HSD11B1: variants seen among roughly 807,000 people sequenced by gnomAD.
HSD11B1 encodes hydroxysteroid 11-beta dehydrogenase 1.
A neutral mutation model predicts 22.1 loss-of-function variants in HSD11B1; 15 were observed. That is an observed-to-expected ratio of 0.68 (90% CI 0.45 to 1.04). The LOEUF (loss-of-function observed/expected upper bound fraction) is 1.04. Ranked by LOEUF, HSD11B1 falls within the 50% of genes least tolerant of loss-of-function variation. The pLI is 0.00. For synonymous variants in HSD11B1, 122 were observed against 125.2 expected, an observed-to-expected ratio of 0.97 and a Z score of 0.17; for missense variants, 281 against 357.6, an observed-to-expected ratio of 0.79 and a Z score of 1.73.
At chr1:209,688,984 G>A (rs748560448) in intron 1 of HSD11B1, among the ~76,000 whole-genome samples, 12 of 152,292 alleles carry the variant, frequency 7.9e-5, no homozygotes, top group Non-Finnish European at 8.8e-5. Context: ...AGGAACAGGT[G>A]GGGGTAAACA....
At chr1:209,701,648 G>A (rs2076827664), upstream of HSD11B1, among the ~76,000 whole-genome samples, 2 of 152,100 alleles carry the variant, frequency 1.3e-5, no homozygotes, top group African/African-American at 2.4e-5. Context: ...TTTTCAAATG[G>A]GAGCACTTGC....
intron 4 of HSD11B1, among the ~76,000 whole-genome samples, chr1:209,720,371 T>C (rs114858540): frequency 2.0e-5 from 3 of 152,048 alleles, no homozygotes; most frequent in African/African-American, 7.3e-5. Flanking sequence ...AAATCCAAAC[T>C]GAGGGACATC....
intron 4 of HSD11B1, among the ~76,000 whole-genome samples, chr1:209,725,274 T>C (rs2076993806): frequency 6.6e-6 from 1 of 152,232 alleles, no homozygotes; most frequent in Admixed American, 6.5e-5. Flanking sequence ...TCTGTACTTT[T>C]GTAAAAGAAA....
chr1:209,706,839 C>T lies in HSD11B1; in HGVS notation c.331+19C>T. ...CTCATGGGTGAGGCTGTTTCTCTTACCTCCTCCTCTGAACTTTGCCCTTGG... is the reference window on the plus strand; with the variant it reads ...CTCATGGGTGAGGCTGTTTCTCTTATCTCCTCCTCTGAACTTTGCCCTTGG... On this transcript the variant is annotated intron_variant, in intron 3 of 5. Coordinates refer to ENST00000367027, the MANE Select transcript of HSD11B1 (RefSeq NM_005525.4). The surrounding 1 kb of genome is among the most constrained non-coding windows in gnomAD (Gnocchi z 4.0). 4 of 1,609,576 alleles carry T rather than the reference C, an allele frequency of 2.5e-6. No individual in the cohort carries two copies. The highest frequency in any genetic ancestry group is 3.4e-6 in the Non-Finnish European group (4 of 1,176,170).
chr1:209,703,996 G>A (rs1041146522), upstream of HSD11B1, among the ~76,000 whole-genome samples: 8 of 151,904 alleles, frequency 5.3e-5, no homozygotes, highest in Non-Finnish European at 1.0e-4. Flanking sequence ...TACCACCCTC[G>A]TCCTTTTACT....
At chr1:209,694,072 G>C (rs904739003) in intron 1 of HSD11B1, among the ~76,000 whole-genome samples, 2 of 152,202 alleles carry the variant, frequency 1.3e-5, no homozygotes, top group African/African-American at 4.8e-5. Flanking sequence ...TCAAACATGA[G>C]TGTAAGATTT....
chr1:209,711,904 A>C (rs927660391), intron 4 of HSD11B1, among the ~76,000 whole-genome samples: 6 of 152,142 alleles, frequency 3.9e-5, no homozygotes, highest in Non-Finnish European at 8.8e-5. Context: ...GTGACAATTT[A>C]GTGCAGGTTG....
At chr1:209,712,832 C>T (rs867639379) in intron 4 of HSD11B1, among the ~76,000 whole-genome samples, 2 of 152,108 alleles carry the variant, frequency 1.3e-5, no homozygotes, top group Non-Finnish European at 2.9e-5. Context: ...AGACGGATCA[C>T]GAGGTCAGGC....
Position 209,705,845 on chromosome 1 carries a change from G to A in HSD11B1, c.123G>A (p.Gly41=). 1 of 1,613,982 alleles carries A rather than the reference G, an allele frequency of 6.2e-7. No individual in the cohort carries two copies. Among genetic ancestry groups the A allele is most frequent in the Non-Finnish European group, 8.5e-7 (1 of 1,179,900 alleles). ...AAGGAAAGAAAGTGATTGTCACAGG[G>A]GCCAGCAAAGGGATCGGAAGAGAGA... ...MLQGKKVIVT[G]ASKGIGREMA... Residue 41 remains glycine (G), a synonymous_variant, in exon 2 of 6, where the codon GGG becomes GGA. Coordinates refer to ENST00000367027, the MANE Select transcript of HSD11B1 (RefSeq NM_005525.4).
At chr1:209,722,597 T>C (rs944840332) in intron 4 of HSD11B1, among the ~76,000 whole-genome samples, 2 of 152,182 alleles carry the variant, frequency 1.3e-5, no homozygotes, top group Admixed American at 6.5e-5. Flanking sequence ...TGGATTTATC[T>C]TGAGAGCCCA....
At chr1:209,705,133 T>TGAAA in intron 1 of HSD11B1, 103 bp downstream of exon 1, 1 of 935,512 alleles carries the variant, frequency 1.1e-6, no homozygotes, top group South Asian at 1.3e-5. Flanking sequence ...TCAAAGTTGG[T>TGAAA]GAAAATGAGG....
At chr1:209,732,127 A>G (rs1228585649) in intron 4 of HSD11B1, among the ~76,000 whole-genome samples, 1 of 152,218 alleles carries the variant, frequency 6.6e-6, no homozygotes, top group Non-Finnish European at 1.5e-5. Flanking sequence ...CACTTGGTTC[A>G]GAGATGCAAG....
intron 4 of HSD11B1, among the ~76,000 whole-genome samples, chr1:209,728,191 A>G (rs1026481947): frequency 6.6e-6 from 1 of 152,210 alleles, no homozygotes; most frequent in Admixed American, 6.5e-5. Context: ...TTGAGATTAG[A>G]AATTCACCAA....
chr1:209,707,926 GAA>G (rs75483351), intron 4 of HSD11B1, among the ~76,000 whole-genome samples: 12 of 142,366 alleles, frequency 8.4e-5, no homozygotes, highest in East Asian at 2.0e-4. Flanking sequence ...TGAACAACAA[GAA>G]AAAAAAAAAA....
At chr1:209,688,993 C>A (rs2076743746) in intron 1 of HSD11B1, among the ~76,000 whole-genome samples, 1 of 152,174 alleles carries the variant, frequency 6.6e-6, no homozygotes, top group Admixed American at 6.5e-5. Context: ...TGGGGGTAAA[C>A]ATAGCAGAAG....
intron 4 of HSD11B1, among the ~76,000 whole-genome samples, chr1:209,722,529 G>C (rs983512721): frequency 1.3e-5 from 2 of 152,198 alleles, no homozygotes; most frequent in African/African-American, 4.8e-5. Context: ...ACTGGATTGT[G>C]GGATGTCTCA....
chr1:209,690,553 C>T (rs1009579804), intron 1 of HSD11B1, among the ~76,000 whole-genome samples: 12 of 151,938 alleles, frequency 7.9e-5, no homozygotes, highest in Non-Finnish European at 5.9e-5. Context: ...AAAAATTAGC[C>T]GAGCATGGTG....
chr1:209,698,855 G>C (rs1244302819), intron 1 of HSD11B1, among the ~76,000 whole-genome samples: 1 of 152,084 alleles, frequency 6.6e-6, no homozygotes, highest in Non-Finnish European at 1.5e-5. Context: ...TTCTTTCCTA[G>C]AAGGCCCTTG....
Position 209,734,559 on chromosome 1 carries a change from G to GA in HSD11B1, c.*39dup. The GA allele has an allele frequency of 6.9e-7, 1 of 1,455,608 alleles. No individual in the cohort carries two copies. Among genetic ancestry groups the GA allele is most frequent in the Non-Finnish European group, 9.6e-7 (1 of 1,039,884 alleles). The allele number at this position is 1,455,608 out of a possible 1,614,324, so 90.2% of individuals were successfully genotyped here. On this transcript the variant is annotated 3_prime_UTR_variant, in exon 6 of 6. Coordinates refer to ENST00000367027, the MANE Select transcript of HSD11B1 (RefSeq NM_005525.4). ...GGCTGGGCATGCTGAGGGATTTTGGGACTGTTCTGTCTCATGTTTATCTGA... is the reference window on the plus strand; with the variant it reads ...GGCTGGGCATGCTGAGGGATTTTGGGAACTGTTCTGTCTCATGTTTATCTGA...
Sources: gnomAD v4.1 joint callset for allele counts (sites outside exome capture counted in the v4.1 genomes callset) on GRCh38, gnomAD v4.1.1 for gene constraint, Gnocchi (gnomAD v3.1) non-coding constraint, MANE v1.5 for transcripts, NCBI Gene and HGNC (gene_info 2026-07-23, HGNC 2026-07-21) for gene names.